Variants in HOXB6 observed in about 807,000 individuals in gnomAD.
HOXB6 encodes homeobox B6.
Under a neutral mutation model 24.2 loss-of-function variants are expected in HOXB6, and 18 were observed. That is an observed-to-expected ratio of 0.74 (90% confidence interval 0.51 to 1.10). The LOEUF (loss-of-function observed/expected upper bound fraction) is 1.10. Ranked by LOEUF, HOXB6 falls within the 50% of genes least tolerant of loss-of-function variation. The probability of loss-of-function intolerance (pLI) is 0.00; values close to 1 mark genes in which losing one functional copy is unlikely to be tolerated. For missense variants in HOXB6, 332 were observed against 308.3 expected (o/e 1.08, Z -0.58); for synonymous variants, 159 against 139.1 (o/e 1.14, Z -1.01).
At position 48,597,991 on chromosome 17, in the gene HOXB6, C is replaced by A; in HGVS notation, c.160G>T (p.Ala54Ser). ...GCCGGCGGGTAATAGGAGGAAGTGG[C>A]AAAGCCCTTGTCCTGGCCCGGCCCT... ...GPGPGQDKGFATSSYYPPAGG... is the reference protein window; with the variant it reads ...GPGPGQDKGFSTSSYYPPAGG... The change falls in exon 3 of 4, where the codon GCC (alanine) becomes TCC (serine). Residue 54 changes from alanine to serine, a missense_variant. Transcript: ENST00000225648. The A allele has an allele frequency of 6.3e-7, 1 of 1,591,760 alleles. No homozygotes were observed. Among genetic ancestry groups the A allele is most frequent in the Non-Finnish European group, 8.6e-7 (1 of 1,169,360 alleles).
At position 48,596,608 on chromosome 17, in the gene HOXB6, C is replaced by T; in HGVS notation, c.480G>A (p.Glu160=). The T allele has an allele frequency of 1.2e-6, 2 of 1,614,204 alleles. No homozygotes were observed. The highest frequency in any genetic ancestry group is 1.1e-5 in the South Asian group (1 of 91,092). The change falls in exon 4 of 4, where the codon GAG becomes GAA. Residue 160 remains glutamate, a synonymous_variant. Transcript: ENST00000225648. This position sits in a 1 kb window ranked among gnomAD's most constrained non-coding sequence, Gnocchi z 4.8. ...RQTYTRYQTL[E]LEKEFHYNRY... is the part of the protein sequence containing the mutation. ...GATTGTAGTGAAACTCCTTCTCCAG[C>T]TCCAGCGTCTGGTAACGTGTGTATG...
At position 48,596,917 on chromosome 17, in the gene HOXB6, G is replaced by C. The variant is rs1403275491; in HGVS notation, c.416-245C>G. 7.3e-7 allele frequency: 1 copy of C among 1,370,222 alleles called. No homozygotes were observed. Among genetic ancestry groups the C allele is most frequent in the African/African-American group, 1.5e-5 (1 of 68,364 alleles). The allele number at this position is 1,370,222 out of a possible 1,614,324, so 84.9% of individuals were successfully genotyped here. On this transcript the variant is annotated intron_variant, in intron 3 of 3. Transcript: ENST00000225648. This position sits in a 1 kb window ranked among gnomAD's most constrained non-coding sequence, Gnocchi z 4.8. ...GCAGTTTGAACTCCCACCTGAGCCT[G>C]GGGGGAGGGGCTGGTCAGGTGTGTC...
At chr17:48,602,122 C>T in intron 2 of HOXB6, 1 of 456,098 alleles carries the variant, frequency 2.2e-6, no homozygotes, top group Non-Finnish European at 4.4e-6. Context: ...GATCGGCACT[C>T]ACTTGCAGAC....
chr17:48,595,927 T>C lies in HOXB6; in HGVS notation c.*486A>G, dbSNP rs2070271649. The stretch of plus-strand genomic sequence containing the variant: ...TTGTTTTCTTCTGAGGCTCCTCTTC[T>C]TACTTCTAGGTAGTATGTGCTCCTT... On this transcript the variant is annotated 3_prime_UTR_variant, in exon 4 of 4. Transcript: ENST00000225648. 2.9e-6 allele frequency: 1 copy of C among 346,802 alleles called. No individual in the cohort carries two copies. The highest frequency in any genetic ancestry group is 5.7e-6 in the Non-Finnish European group (1 of 174,992). 21.5% of individuals were successfully genotyped at this position (346,802 alleles called of 1,614,324 possible).
At chr17:48,602,273 GCCTGCCCTGCGGGTCC>G (rs1205087993) in intron 2 of HOXB6, 1 of 455,294 alleles carries the variant, frequency 2.2e-6, no homozygotes, top group Admixed American at 2.4e-5. Flanking sequence ...CGGGGCCGGC[GCCTGCCCTGCGGGTCC>G]CCTCCCTTGG....
At chr17:48,599,025 C>T (rs1298758880) in intron 2 of HOXB6, among the ~76,000 whole-genome samples, 1 of 152,180 alleles carries the variant, frequency 6.6e-6, no homozygotes, top group Non-Finnish European at 1.5e-5. Flanking sequence ...ACGAGGGTGG[C>T]TGCCCAAAAC....
chr17:48,602,220 G>A lies in HOXB6; in HGVS notation c.-79+2260C>T, dbSNP rs79536354. 6.4e-3 allele frequency: 2,925 copies of A among 456,122 alleles called. 91 individuals carry two copies. Among genetic ancestry groups the A allele is most frequent in the African/African-American group, 0.053 (2,656 of 50,188 alleles). The allele number at this position is 456,122 out of a possible 1,614,324, so 28.3% of individuals were successfully genotyped here. ...GGCAAAACCCACTAACCAACCAGGA[G>A]AACACAGACCCGGTTTGTCTTTTGA... On this transcript the variant is annotated intron_variant, in intron 2 of 3. Transcript: ENST00000225648.
chr17:48,600,646 C>T (rs190273087), intron 2 of HOXB6: 306 of 421,706 alleles, frequency 7.3e-4, no homozygotes, highest in Non-Finnish European at 1.3e-3. Context: ...CAGATCCCTA[C>T]GAATCTGTCT....
intron 2 of HOXB6, among the ~76,000 whole-genome samples, chr17:48,603,218 A>C (rs2070510544): frequency 1.3e-5 from 2 of 152,192 alleles, no homozygotes; most frequent in African/African-American, 2.4e-5. Context: ...TCCACAGCCA[A>C]CATCACTTAT....
chr17:48,598,276 G>T lies in HOXB6; in HGVS notation c.-78-48C>A, dbSNP rs138703831. On this transcript the variant is annotated intron_variant, in intron 2 of 3. Transcript: ENST00000225648. The stretch of plus-strand genomic sequence containing the variant: ...TGGGTTTTAGCTGAGGGGGGATGGC[G>T]AGGTGCCAGTGAGGGCCAGAAGGAA... The T allele has an allele frequency of 7.3e-4, 716 of 976,272 alleles. 1 individual carries two copies. Among genetic ancestry groups the T allele is most frequent in the Middle Eastern group, 7.0e-3 (21 of 3,000 alleles). 60.5% of individuals were successfully genotyped at this position (976,272 alleles called of 1,614,324 possible). A position where few individuals can be genotyped will look rare whatever the true frequency, so the allele number is the denominator to read the frequency against.
In HOXB6 at chr17:48,602,184, A is replaced by G. The variant is rs151252262; in HGVS notation, c.-79+2296T>C. ...CAATTCCTTCACCACGGACCCACCA[A>G]CCAAGGAGCTGGCAAAACCCACTAA... On this transcript the variant is annotated intron_variant, in intron 2 of 3. Coordinates refer to ENST00000225648, the MANE Select transcript of HOXB6 (RefSeq NM_018952.5). 2.6e-3 allele frequency: 1,200 copies of G among 456,114 alleles called. 2 individuals carry two copies. Among genetic ancestry groups the G allele is most frequent in the Non-Finnish European group, 3.6e-3 (813 of 226,794 alleles). 28.3% of individuals were successfully genotyped at this position (456,114 alleles called of 1,614,324 possible).
chr17:48,596,219 T>G lies in HOXB6; in HGVS notation c.*194A>C. 2 of 801,366 alleles carry G rather than the reference T, an allele frequency of 2.5e-6. No individual in the cohort carries two copies. The highest frequency in any genetic ancestry group is 4.3e-6 in the Non-Finnish European group (2 of 468,202). 49.6% of individuals were successfully genotyped at this position (801,366 alleles called of 1,614,324 possible). A position where few individuals can be genotyped will look rare whatever the true frequency, so the allele number is the denominator to read the frequency against. On this transcript the variant is annotated 3_prime_UTR_variant, in exon 4 of 4. Coordinates refer to ENST00000225648, the MANE Select transcript of HOXB6 (RefSeq NM_018952.5). The surrounding 1 kb of genome is among the most constrained non-coding windows in gnomAD (Gnocchi z 4.8). ...GCGCGGGATGCTGGGTGGGCTCGAG[T>G]AGTGAGGCCTCAGAGCACCCGCCGG...
At position 48,597,944 on chromosome 17, in the gene HOXB6, C is replaced by CGCT; in HGVS notation, c.204_206dup (p.Ala70dup). 1 of 1,572,124 alleles carries CGCT rather than the reference C, an allele frequency of 6.4e-7. No homozygotes were observed. The highest frequency in any genetic ancestry group is 8.6e-7 in the Non-Finnish European group (1 of 1,159,292). On this transcript the variant is annotated inframe_insertion, in exon 3 of 4. Coordinates refer to ENST00000225648, the MANE Select transcript of HOXB6 (RefSeq NM_018952.5). ...GCGCCGGCCCGTAGTCGCAGGGCGCCGCTCGGCCGTAGCCACCGCCCGCCG... is the reference window on the plus strand; with the variant it reads ...GCGCCGGCCCGTAGTCGCAGGGCGCCGCTGCTCGGCCGTAGCCACCGCCCGCCG...
In HOXB6 at chr17:48,598,005, T is replaced by A; in HGVS notation, c.146A>T (p.Gln49Leu). ...GGAGGAAGTGGCAAAGCCCTTGTCC[T>A]GGCCCGGCCCTGGCCCGTAGGGCGC... ...YPAPYGPGPG[Q>L]DKGFATSSYY... Residue 49 changes from glutamine to leucine, a missense_variant, in exon 3 of 4, where the codon CAG becomes CTG. By Grantham distance (113) the Gln-to-Leu change is moderately radical (BLOSUM62 -2). Coordinates refer to ENST00000225648, the MANE Select transcript of HOXB6 (RefSeq NM_018952.5). 1.3e-6 allele frequency: 2 copies of A among 1,595,356 alleles called. No homozygotes were observed. Among genetic ancestry groups the A allele is most frequent in the Non-Finnish European group, 1.7e-6 (2 of 1,171,276 alleles).
Position 48,597,827 on chromosome 17 carries a change from G to T in HOXB6, c.324C>A (p.Cys108Ter), listed in dbSNP as rs200398618. 2 of 1,604,562 alleles carry T rather than the reference G, an allele frequency of 1.2e-6. No homozygotes were observed. The highest frequency in any genetic ancestry group is 1.3e-5 in the African/African-American group (1 of 74,650). The stretch of plus-strand genomic sequence containing the variant: ...CGCCGAACACGCTCTTGTCCTGCGC[G>T]CAGTCCGACTTCCGCGGCTCGGGGT... The part of the protein sequence containing the change: ...PFHPEPRKSD[C>*]AQDKSVFGET... Residue 108 changes from cysteine to a stop codon, truncating the protein, a stop_gained, in exon 3 of 4, where the codon TGC becomes TGA. Coordinates refer to ENST00000225648, the MANE Select transcript of HOXB6 (RefSeq NM_018952.5). LOFTEE classifies it high-confidence loss of function.
intron 2 of HOXB6, among the ~76,000 whole-genome samples, chr17:48,599,822 G>A (rs926318621): frequency 5.3e-5 from 8 of 152,186 alleles, no homozygotes; most frequent in African/African-American, 7.2e-5. Context: ...GTCAGGCCAG[G>A]CTGACCCTCC....
intron 2 of HOXB6, chr17:48,604,260 T>G (rs1475210244): frequency 6.6e-6 from 1 of 152,090 alleles, no homozygotes; most frequent in African/African-American, 2.4e-5. Context: ...GGCCCTCTTT[T>G]GATTCCTCTT....
chr17:48,602,656 A>AG, intron 2 of HOXB6: 1 of 178,686 alleles, frequency 5.6e-6, no homozygotes, highest in Admixed American at 5.5e-5. Context: ...AAATCCCCCG[A>AG]ATCCCGTGGA....
intron 2 of HOXB6, 21 bp from the exon 3 acceptor site, chr17:48,598,249 A>G: frequency 3.1e-6 from 4 of 1,307,226 alleles, no homozygotes; most frequent in Non-Finnish European, 4.1e-6. Flanking sequence ...TATATCCGAG[A>G]TTGGGTTTTA....
Sources: allele counts gnomAD v4.1 joint callset (sites outside exome capture counted in the v4.1 genomes callset), GRCh38; gene constraint gnomAD v4.1.1; non-coding constraint Gnocchi (gnomAD v3.1); transcripts MANE v1.5; gene names NCBI Gene and HGNC (gene_info 2026-07-23, HGNC 2026-07-21).